GATAD2B: variants seen among roughly 807,000 people sequenced by gnomAD.
The protein encoded by GATAD2B is transcriptional repressor p66-beta.
In GATAD2B, 8 loss-of-function variants were observed where a neutral mutation model predicts 64.3. That is an observed-to-expected ratio of 0.12 (90% CI 0.07 to 0.22). The LOEUF is 0.22. Among genes scored for constraint, GATAD2B ranks in the 10% least tolerant of loss-of-function variants. The pLI, the probability that GATAD2B is intolerant of heterozygous loss-of-function variation, is 1.00. For synonymous variants in GATAD2B, 281 were observed against 271.3 expected (o/e 1.04, Z -0.35); for missense variants, 453 against 752.0 (o/e 0.60, Z 4.65).
intron 1 of GATAD2B, among the ~76,000 whole-genome samples, chr1:153,919,389 C>T (rs1678362458): frequency 6.6e-6 from 1 of 152,180 alleles, no homozygotes; most frequent in Non-Finnish European, 1.5e-5. Flanking sequence ...TCAAGCTATA[C>T]AGGAATATTT....
chr1:153,901,986 A>AAAG (rs1677792766), intron 1 of GATAD2B, among the ~76,000 whole-genome samples: 1 of 149,436 alleles, frequency 6.7e-6, no homozygotes, highest in South Asian at 2.1e-4. Flanking sequence ...CTCAAAAAAA[A>AAAG]AAAAAAAAAA....
intron 1 of GATAD2B, among the ~76,000 whole-genome samples, chr1:153,897,131 G>A (rs774917928): frequency 4.0e-5 from 6 of 151,010 alleles, no homozygotes; most frequent in Admixed American, 6.6e-5. Flanking sequence ...TGGGGTTCAC[G>A]CCATTCTCCT....
intron 1 of GATAD2B, among the ~76,000 whole-genome samples, chr1:153,859,291 T>C (rs921399548): frequency 2.0e-5 from 3 of 150,564 alleles, no homozygotes; most frequent in African/African-American, 4.9e-5. Flanking sequence ...TGCTTGAGCC[T>C]GGGGGATCTA....
intron 1 of GATAD2B, among the ~76,000 whole-genome samples, chr1:153,841,133 AAAAAAAAAG>A (rs1038600285): frequency 2.0e-5 from 3 of 151,694 alleles, no homozygotes; most frequent in Non-Finnish European, 4.4e-5. Flanking sequence ...TCAAAAAAAA[AAAAAAAAAG>A]AAAAAAAGAA....
rs189709979 is a variant in GATAD2B at position 153,879,542 on chromosome 1, T to C, written c.-2+43191A>G. Among the ~76,000 whole-genome samples, 10 of 151,788 alleles carry C rather than the reference T, an allele frequency of 6.6e-5. No individual in the cohort carries two copies. The East Asian group carries it at 1.9e-3, about 30-fold the overall frequency. Reference sequence around the variant, plus strand: ...ACTATGGGAAGTCAAGACGGGCGGATTATGAGGTCAAGAGATCGAGACCAT... The same window carrying C: ...ACTATGGGAAGTCAAGACGGGCGGACTATGAGGTCAAGAGATCGAGACCAT... On this transcript the variant is annotated intron_variant, in intron 1 of 10. Coordinates refer to ENST00000368655, the MANE Select transcript of GATAD2B (RefSeq NM_020699.4).
intron 1 of GATAD2B, among the ~76,000 whole-genome samples, chr1:153,917,818 CAAAT>C (rs576552774): frequency 8.5e-4 from 129 of 152,002 alleles, no homozygotes; most frequent in Non-Finnish European, 1.3e-3. Flanking sequence ...ATAAATGTAA[CAAAT>C]AAATATATTA....
chr1:153,854,129 A>T (rs1474452095), intron 1 of GATAD2B, among the ~76,000 whole-genome samples: 1 of 152,112 alleles, frequency 6.6e-6, no homozygotes, highest in Non-Finnish European at 1.5e-5. Flanking sequence ...TAGGCCAGGC[A>T]CGGTGGCTCA....
intron 1 of GATAD2B, among the ~76,000 whole-genome samples, chr1:153,860,716 C>T (rs975998183): frequency 2.6e-5 from 4 of 152,146 alleles, no homozygotes; most frequent in South Asian, 4.2e-4. Flanking sequence ...GCTGGAGTGC[C>T]GTGGCACAAT....
rs1443868667 is a variant in GATAD2B, at chr1:153,807,912, A to G, written c.*2265T>C. On this transcript the variant is annotated 3_prime_UTR_variant, in exon 11 of 11. Transcript: ENST00000368655. ...CATGAGGGAGGGAGGAAGAGGCTAG[A>G]CAGACATGCCACAAGGCAAGATGAC... The G allele has an allele frequency of 1.3e-5, 2 of 152,624 alleles. No homozygotes were observed. The highest frequency in any genetic ancestry group is 2.9e-5 in the Non-Finnish European group (2 of 68,044). 9.5% of individuals were successfully genotyped at this position (152,624 alleles called of 1,614,324 possible).
At chr1:153,897,958 C>G (rs1280391701) in intron 1 of GATAD2B, among the ~76,000 whole-genome samples, 1 of 121,302 alleles carries the variant, frequency 8.2e-6, no homozygotes, top group African/African-American at 3.2e-5. Flanking sequence ...CTGGCTCAAG[C>G]AACATAATGA....
At chr1:153,870,224 G>T (rs553485866) in intron 1 of GATAD2B, among the ~76,000 whole-genome samples, 1 of 152,078 alleles carries the variant, frequency 6.6e-6, no homozygotes, top group Non-Finnish European at 1.5e-5. Flanking sequence ...TGCTGGGATT[G>T]CAAGCATGAG....
intron 1 of GATAD2B, among the ~76,000 whole-genome samples, chr1:153,860,175 A>G (rs1259944092): frequency 2.0e-5 from 3 of 151,972 alleles, no homozygotes; most frequent in Non-Finnish European, 4.4e-5. Context: ...TTGGCCTCCC[A>G]AAGTGCTGGG....
chr1:153,818,278 C>A, intron 4 of GATAD2B, 107 bp from the exon 5 acceptor site: 5 of 890,046 alleles, frequency 5.6e-6, no homozygotes, highest in South Asian at 4.6e-5. Flanking sequence ...TCTTGTCAAT[C>A]AGGAGGAAAA....
intron 1 of GATAD2B, among the ~76,000 whole-genome samples, chr1:153,905,995 AGTCGGAGGTTGCACTGG>A (rs568613590): frequency 1.4e-5 from 2 of 148,102 alleles, no homozygotes; most frequent in East Asian, 4.1e-4. Flanking sequence ...TGAAACTGGG[AGTCGGAGGTTGCACTGG>A]GCCGAGATCA....
At chr1:153,880,188 C>T (rs1052169662) in intron 1 of GATAD2B, among the ~76,000 whole-genome samples, 4 of 151,726 alleles carry the variant, frequency 2.6e-5, no homozygotes, top group Admixed American at 6.6e-5. Context: ...GTCGGCCAAG[C>T]GCAGTGGCTC....
intron 1 of GATAD2B, among the ~76,000 whole-genome samples, chr1:153,893,555 A>T (rs1441593748): frequency 6.6e-6 from 1 of 152,018 alleles, no homozygotes; most frequent in Non-Finnish European, 1.5e-5. Flanking sequence ...GGTTGCAGTG[A>T]GCCGAGATCA....
At chr1:153,819,824 T>C (rs1190037426) in intron 2 of GATAD2B, 89 bp from the exon 3 acceptor site, 5 of 1,182,188 alleles carry the variant, frequency 4.2e-6, no homozygotes, top group Non-Finnish European at 5.9e-6. Flanking sequence ...GGGGGCCGGG[T>C]GCGGTGGCTC....
At chr1:153,840,036 T>C (rs1023966003) in intron 1 of GATAD2B, among the ~76,000 whole-genome samples, 2 of 144,226 alleles carry the variant, frequency 1.4e-5, no homozygotes, top group Non-Finnish European at 1.5e-5. Flanking sequence ...CTTTTTTTTT[T>C]TTTTTTTTTT....
At chr1:153,828,643 A>G (rs1233766417) in intron 1 of GATAD2B, among the ~76,000 whole-genome samples, 1 of 151,778 alleles carries the variant, frequency 6.6e-6, no homozygotes, top group Non-Finnish European at 1.5e-5. Flanking sequence ...TTCTACATGG[A>G]TACAGATTGA....
Sources: gnomAD v4.1 joint callset for allele counts (sites outside exome capture counted in the v4.1 genomes callset) on GRCh38, gnomAD v4.1.1 for gene constraint, MANE v1.5 for transcripts, NCBI Gene and HGNC (gene_info 2026-07-23, HGNC 2026-07-21) for gene names.